Variants in CDK6 observed in about 807,000 individuals in gnomAD.
CDK6 encodes the protein cyclin-dependent kinase 6.
A neutral mutation model predicts 37.1 loss-of-function variants in CDK6; 6 were observed. The ratio of observed to expected loss-of-function variants is 0.16; its 90% CI spans 0.09 to 0.32. CDK6 has a LOEUF of 0.32. Ranked by LOEUF, CDK6 falls within the 10% of genes least tolerant of loss-of-function variation. CDK6 has a pLI of 1.00. For synonymous variants in CDK6, 160 were observed against 161.3 expected, an observed-to-expected ratio of 0.99 and a Z score of 0.06; for missense variants, 224 against 418.9, an observed-to-expected ratio of 0.53 and a Z score of 4.06.
At chr7:92,672,166 T>TACACACACACACACACACACACAC (rs1434883987) in intron 4 of CDK6, among the ~76,000 whole-genome samples, 1 of 38,736 alleles carries the variant, frequency 2.6e-5, no homozygotes, top group African/African-American at 1.2e-4. Flanking sequence ...TATATACACA[T>TACACACACACACACACACACACAC]ACACACACAC....
chr7:92,763,920 ATTGTCAT>A (rs769865572), intron 3 of CDK6, among the ~76,000 whole-genome samples: 1 of 152,114 alleles, frequency 6.6e-6, no homozygotes, highest in Non-Finnish European at 1.5e-5. Flanking sequence ...TTAGGGCAGG[ATTGTCAT>A]TTTAAGTGAG....
intron 5 of CDK6, among the ~76,000 whole-genome samples, chr7:92,637,192 G>A (rs1467565916): frequency 2.6e-5 from 4 of 152,084 alleles, no homozygotes; most frequent in Admixed American, 6.6e-5. Flanking sequence ...ACAGACCTAC[G>A]GGTTAAATAG....
rs572916107 is a variant in CDK6 at position 92,663,432 on chromosome 7, C to T, written c.647+7994G>A. On this transcript the variant is annotated intron_variant, in intron 5 of 7. Coordinates refer to ENST00000424848, the MANE Select transcript of CDK6 (RefSeq NM_001145306.2). ...AGAATTTAAAAAATCAGGCCAGGCACGGTGCCTCATGCCTGTAATCTTAGT... is the reference window on the plus strand; with the variant it reads ...AGAATTTAAAAAATCAGGCCAGGCATGGTGCCTCATGCCTGTAATCTTAGT... Among the ~76,000 whole-genome samples, 88 of 152,216 alleles carry T rather than the reference C, an allele frequency of 5.8e-4. 1 individual carries two copies. The South Asian group carries it at 6.9e-3, about 12-fold the overall frequency.
chr7:92,638,779 C>A (rs543710007), intron 5 of CDK6, among the ~76,000 whole-genome samples: 3 of 152,074 alleles, frequency 2.0e-5, no homozygotes, highest in East Asian at 3.9e-4. Flanking sequence ...CTTTTGACCC[C>A]CCCAGAGTTA....
intron 3 of CDK6, among the ~76,000 whole-genome samples, chr7:92,769,373 A>G (rs958675749): frequency 6.6e-6 from 1 of 152,196 alleles, no homozygotes; most frequent in South Asian, 2.1e-4. Context: ...CCAAGATTGA[A>G]TCATCAAAAG....
chr7:92,619,082 T>C (rs1490294004), intron 6 of CDK6, among the ~76,000 whole-genome samples: 2 of 152,136 alleles, frequency 1.3e-5, no homozygotes, highest in African/African-American at 4.8e-5. Flanking sequence ...TATAGTAATA[T>C]ATAAATTTAT....
chr7:92,776,392 T>C lies in CDK6; in HGVS notation c.234-1561A>G, dbSNP rs1799852924. ...CATATGTGTGCATGTGTCTTTACAG[T>C]AGAATGATTTATAATCCTTTGGGTA... On this transcript the variant is annotated intron_variant, in intron 2 of 7. Transcript: ENST00000424848. 2.6e-5 allele frequency among the ~76,000 whole-genome samples: 4 copies of C among 152,208 alleles called. No individual in the cohort carries two copies. The South Asian group carries it at 8.3e-4, about 32-fold the overall frequency.
intron 4 of CDK6, among the ~76,000 whole-genome samples, chr7:92,686,008 T>C (rs894238310): frequency 6.6e-6 from 1 of 152,214 alleles, no homozygotes; most frequent in Non-Finnish European, 1.5e-5. Flanking sequence ...TTACAGAATG[T>C]GGTGTTGCCC....
chr7:92,739,206 A>G (rs1251358267), intron 3 of CDK6, among the ~76,000 whole-genome samples: 1 of 152,158 alleles, frequency 6.6e-6, no homozygotes, highest in Non-Finnish European at 1.5e-5. Flanking sequence ...GACTGTCTTA[A>G]ATTTTAAATT....
rs143750564 is a variant in CDK6 at position 92,653,431 on chromosome 7, C to T, written c.647+17995G>A. On this transcript the variant is annotated intron_variant, in intron 5 of 7. Coordinates refer to ENST00000424848, the MANE Select transcript of CDK6 (RefSeq NM_001145306.2). ...GTGAAACCTGGAACTACTGTAACCG[C>T]TTTGCCAATGAATGAAAACAGCCTT... Among the ~76,000 whole-genome samples the T allele has an allele frequency of 1.4e-3, 208 of 152,318 alleles. 1 individual carries two copies. Among genetic ancestry groups the T allele is most frequent in the African/African-American group, 4.6e-3 (190 of 41,568 alleles).
intron 4 of CDK6, among the ~76,000 whole-genome samples, chr7:92,720,969 C>A (rs1798351598): frequency 6.6e-6 from 1 of 152,102 alleles, no homozygotes; most frequent in African/African-American, 2.4e-5. Flanking sequence ...AAAGAACTTC[C>A]CTGTAACCTG....
intron 3 of CDK6, among the ~76,000 whole-genome samples, chr7:92,752,080 T>A (rs991452404): frequency 1.9e-4 from 29 of 152,278 alleles, no homozygotes; most frequent in African/African-American, 6.5e-4. Flanking sequence ...GCTCTATACT[T>A]GTGTGAACTT....
chr7:92,826,375 A>G (rs1368092390), intron 2 of CDK6, among the ~76,000 whole-genome samples: 4 of 152,158 alleles, frequency 2.6e-5, no homozygotes, highest in Non-Finnish European at 5.9e-5. Flanking sequence ...GGAAGCAGAA[A>G]TGTTATCCAA....
intron 2 of CDK6, among the ~76,000 whole-genome samples, chr7:92,786,696 TAC>T (rs1800149957): frequency 1.3e-5 from 2 of 149,084 alleles, no homozygotes; most frequent in South Asian, 4.2e-4. Context: ...ATTGTATATA[TAC>T]ACACACATAC....
chr7:92,685,505 A>G (rs975521036), intron 4 of CDK6, among the ~76,000 whole-genome samples: 2 of 152,246 alleles, frequency 1.3e-5, no homozygotes, highest in Non-Finnish European at 2.9e-5. Flanking sequence ...AAAGAATGTT[A>G]CTGCTTTCTA....
At chr7:92,727,742 T>C (rs1562948708) in intron 3 of CDK6, among the ~76,000 whole-genome samples, 1 of 152,134 alleles carries the variant, frequency 6.6e-6, no homozygotes, top group Admixed American at 6.5e-5. Context: ...GGTGACCTTC[T>C]AAGCTTCCCA....
chr7:92,828,668 C>G (rs1801395597), intron 2 of CDK6, among the ~76,000 whole-genome samples: 1 of 152,026 alleles, frequency 6.6e-6, no homozygotes, highest in Non-Finnish European at 1.5e-5. Flanking sequence ...GGAAAATATC[C>G]TCAAAGATAT....
At chr7:92,681,046 A>T (rs1424030081) in intron 4 of CDK6, among the ~76,000 whole-genome samples, 2 of 152,198 alleles carry the variant, frequency 1.3e-5, no homozygotes, top group African/African-American at 2.4e-5. Flanking sequence ...AACCACAGGA[A>T]ACTCCCAGTG....
At chr7:92,624,673 A>G (rs1260162135) in intron 5 of CDK6, among the ~76,000 whole-genome samples, 2 of 152,314 alleles carry the variant, frequency 1.3e-5, no homozygotes, top group East Asian at 3.9e-4. Flanking sequence ...ACATCTTGAC[A>G]GGTCTTAAAA....
Sources: gnomAD v4.1 joint callset for allele counts (sites outside exome capture counted in the v4.1 genomes callset) on GRCh38, gnomAD v4.1.1 for gene constraint, MANE v1.5 for transcripts, NCBI Gene and HGNC (gene_info 2026-07-23, HGNC 2026-07-21) for gene names.